The following NETO2 variants were observed in gnomAD, a reference collection of about 807,000 sequenced individuals.
The protein encoded by NETO2 is neuropilin and tolloid-like protein 2.
Under a neutral mutation model 62.5 loss-of-function variants are expected in NETO2, and 28 were observed. The ratio of observed to expected loss-of-function variants is 0.45; its 90% CI spans 0.33 to 0.61. NETO2 has a LOEUF of 0.61. NETO2 is among the 20% of genes least tolerant of loss of function. The pLI is 0.02. For missense variants in NETO2, 548 were observed against 643.2 expected (o/e 0.85, Z 1.60); for synonymous variants, 214 against 219.1 (o/e 0.98, Z 0.21).
At position 47,082,485 on chromosome 16, in the gene NETO2, T is replaced by C. The variant is rs1314959327; in HGVS notation, c.*736A>G. On this transcript the variant is annotated 3_prime_UTR_variant, in exon 9 of 9. Coordinates refer to ENST00000562435, the MANE Select transcript of NETO2 (RefSeq NM_018092.5). ...AATTTTTAGTCATAGCTGACAATGG[T>C]ACATATATCCCAGGATTATGAAATT... 3 of 152,236 alleles carry C rather than the reference T, an allele frequency of 2.0e-5. No individual in the cohort carries two copies. The highest frequency in any genetic ancestry group is 4.4e-5 in the Non-Finnish European group (3 of 68,028). 9.4% of individuals were successfully genotyped at this position (152,236 alleles called of 1,614,324 possible). A position where few individuals can be genotyped will look rare whatever the true frequency, so the allele number is the denominator to read the frequency against.
In NETO2 at chr16:47,082,717, T is replaced by C. The variant is rs1434236338; in HGVS notation, c.*504A>G. The C allele has an allele frequency of 1.3e-5, 2 of 152,864 alleles. No individual in the cohort carries two copies. Among genetic ancestry groups the C allele is most frequent in the Non-Finnish European group, 2.9e-5 (2 of 68,532 alleles). 9.5% of individuals were successfully genotyped at this position (152,864 alleles called of 1,614,324 possible). On this transcript the variant is annotated 3_prime_UTR_variant, in exon 9 of 9. Coordinates refer to ENST00000562435, the MANE Select transcript of NETO2 (RefSeq NM_018092.5). The stretch of plus-strand genomic sequence containing the variant: ...TGACACACTCAAGAACAAATGCCTA[T>C]ACTGAAGTATGTGGTACATTAACCA...
chr16:47,088,134 T>C (rs569494326), intron 7 of NETO2, among the ~76,000 whole-genome samples: 10 of 152,240 alleles, frequency 6.6e-5, no homozygotes, highest in African/African-American at 2.2e-4. Context: ...AGATGGAGTC[T>C]CGCTCTGTTG....
At chr16:47,084,135 T>A (rs1963133233) in intron 8 of NETO2, among the ~76,000 whole-genome samples, 1 of 152,220 alleles carries the variant, frequency 6.6e-6, no homozygotes, top group South Asian at 2.1e-4. Flanking sequence ...TTTAGCTTTC[T>A]GCTTTATGGT....
In NETO2 at chr16:47,109,609, C is replaced by T. The variant is rs1054466561; in HGVS notation, c.757G>A (p.Ala253Thr). The change falls in exon 7 of 9, where the codon GCC (alanine) becomes ACC (threonine). Residue 253 changes from alanine (A) to threonine (T), a missense_variant. Ala to Thr is a moderately conservative substitution (Grantham distance 58). Coordinates refer to ENST00000562435, the MANE Select transcript of NETO2 (RefSeq NM_018092.5). ...DGSSSIENLKAKFCSTVANDV... is the reference protein window; with the variant it reads ...DGSSSIENLKTKFCSTVANDV... ...TTGGCCACAGTGCTGCAAAACTTGG[C>T]CTTCAGGTTTTCAATAGAACTGCTT... 5.0e-6 allele frequency: 8 copies of T among 1,614,036 alleles called. No individual in the cohort carries two copies. Among genetic ancestry groups the T allele is most frequent in the Non-Finnish European group, 6.8e-6 (8 of 1,179,954 alleles).
intron 8 of NETO2, 35 bp from the exon 9 acceptor site, chr16:47,083,836 A>G: frequency 6.8e-7 from 1 of 1,461,962 alleles, no homozygotes; most frequent in Non-Finnish European, 9.3e-7. Context: ...TAAGTTTTCA[A>G]AATACATTAA....
chr16:47,109,674 G>T lies in NETO2; in HGVS notation c.692C>A (p.Ser231Ter). The T allele has an allele frequency of 1.9e-6, 3 of 1,613,820 alleles. No individual in the cohort carries two copies. The South Asian group carries it at 3.3e-5, about 18-fold the overall frequency. Residue 231 changes from serine to a stop codon, truncating the protein, a stop_gained, in exon 7 of 9, where the codon TCA (serine) becomes TAA (stop). Coordinates refer to ENST00000562435, the MANE Select transcript of NETO2 (RefSeq NM_018092.5). LOFTEE classifies it high-confidence loss of function. Reference protein sequence around the residue: ...LRFLDYQMEHSNECKRNFVAV... With the variant: ...LRFLDYQMEH ...AACGAAGTTTCTCTTGCATTCATTT[G>T]AGTGCTCCATTTGATAATCTAGGAA...
chr16:47,083,609 T>C lies in NETO2; in HGVS notation c.1190A>G (p.His397Arg), dbSNP rs1478461935. ...GTCCCTTAGTGAAAACAGTTCATAA[T>C]GAGGAGGATCAAACACTTCTTGGAA... The part of the protein sequence containing the change: ...TGFQEVFDPP[H>R]YELFSLRDKE... Residue 397 changes from histidine (H) to arginine (R), a missense_variant, in exon 9 of 9, where the codon CAT (histidine) becomes CGT (arginine). By Grantham distance (29) the His-to-Arg change is conservative. Coordinates refer to ENST00000562435, the MANE Select transcript of NETO2 (RefSeq NM_018092.5). 6.2e-7 allele frequency: 1 copy of C among 1,614,194 alleles called. No individual in the cohort carries two copies. The highest frequency in any genetic ancestry group is 2.2e-5 in the East Asian group (1 of 44,882).
At chr16:47,121,187 T>G (rs1284400112) in intron 6 of NETO2, among the ~76,000 whole-genome samples, 1 of 152,192 alleles carries the variant, frequency 6.6e-6, no homozygotes, top group Non-Finnish European at 1.5e-5. Flanking sequence ...GTTTCCTTCT[T>G]GTAGGATACG....
Position 47,080,368 on chromosome 16 carries a change from T to A in NETO2, c.*2853A>T, listed in dbSNP as rs956813533. 6.6e-6 allele frequency: 1 copy of A among 152,216 alleles called. No homozygotes were observed. The highest frequency in any genetic ancestry group is 6.5e-5 in the Admixed American group (1 of 15,274). The allele number at this position is 152,216 out of a possible 1,614,324, so 9.4% of individuals were successfully genotyped here. ...TTTTGTGTTCAACACTGGGACACTG[T>A]GTGGGGTACCCTGCGTGACAGTTAA... On this transcript the variant is annotated 3_prime_UTR_variant, in exon 9 of 9. Transcript: ENST00000562435.
At chr16:47,140,160 C>G (rs546219783) in intron 1 of NETO2, among the ~76,000 whole-genome samples, 2 of 152,294 alleles carry the variant, frequency 1.3e-5, no homozygotes, top group East Asian at 3.9e-4. Flanking sequence ...ATCACAGCAA[C>G]TCTGTTCTGT....
intron 7 of NETO2, among the ~76,000 whole-genome samples, chr16:47,098,835 GAAACCCTAC>G (rs1160916441): frequency 3.3e-5 from 5 of 152,272 alleles, no homozygotes; most frequent in African/African-American, 1.2e-4. Context: ...TCTCTCTGCA[GAAACCCTAC>G]AAGCCACAAG....
chr16:47,086,155 C>T, intron 8 of NETO2, 71 bp downstream of exon 8: 1 of 888,286 alleles, frequency 1.1e-6, no homozygotes, highest in Non-Finnish European at 1.9e-6. Context: ...TAGAAAATAA[C>T]ATTTTAAGTT....
At chr16:47,085,044 G>A (rs1402742893) in intron 8 of NETO2, among the ~76,000 whole-genome samples, 3 of 152,124 alleles carry the variant, frequency 2.0e-5, no homozygotes, top group Admixed American at 1.3e-4. Flanking sequence ...TGCTGTCTTA[G>A]AGGATAAAAG....
intron 7 of NETO2, among the ~76,000 whole-genome samples, 200 bp from the exon 8 acceptor site, chr16:47,086,539 C>G (rs767904958): frequency 6.6e-6 from 1 of 152,156 alleles, no homozygotes; most frequent in Non-Finnish European, 1.5e-5. Flanking sequence ...TGCTAGGCCC[C>G]AAAAGGTCAC....
intron 6 of NETO2, among the ~76,000 whole-genome samples, chr16:47,116,117 T>C (rs752122602): frequency 6.6e-6 from 1 of 151,548 alleles, no homozygotes; most frequent in Non-Finnish European, 1.5e-5. Context: ...CACCACTAAG[T>C]ATGGTGTCAG....
chr16:47,087,150 TC>T (rs1468708435), intron 7 of NETO2, among the ~76,000 whole-genome samples: 1 of 151,952 alleles, frequency 6.6e-6, no homozygotes. Context: ...TGTGTCAGCC[TC>T]CAGAGTAGCT....
chr16:47,132,669 A>G (rs1023843603), intron 1 of NETO2, among the ~76,000 whole-genome samples: 1 of 152,150 alleles, frequency 6.6e-6, no homozygotes, highest in African/African-American at 2.4e-5. Context: ...TTAAAGAAAC[A>G]TTTTCATGGA....
At position 47,131,953 on chromosome 16, in the gene NETO2, A is replaced by C. The variant is rs775810110; in HGVS notation, c.91+16T>G. Reference sequence around the variant, plus strand: ...TGTCTTAAACATGCAGTAAGTCACCAATGTAAGTACTTTACCTTGGGTTTT... The same window carrying C: ...TGTCTTAAACATGCAGTAAGTCACCCATGTAAGTACTTTACCTTGGGTTTT... On this transcript the variant is annotated intron_variant, in intron 2 of 8. Transcript: ENST00000562435. 6.2e-7 allele frequency: 1 copy of C among 1,606,232 alleles called. No homozygotes were observed. The highest frequency in any genetic ancestry group is 1.7e-5 in the Admixed American group (1 of 59,934).
chr16:47,108,772 C>T (rs1261744497), intron 7 of NETO2, among the ~76,000 whole-genome samples: 1 of 152,108 alleles, frequency 6.6e-6, no homozygotes, highest in Admixed American at 6.5e-5. Flanking sequence ...TTAATAATAT[C>T]GTATCTGTGT....
Sources: allele counts gnomAD v4.1 joint callset (sites outside exome capture counted in the v4.1 genomes callset), GRCh38; gene constraint gnomAD v4.1.1; transcripts MANE v1.5; gene names NCBI Gene and HGNC (gene_info 2026-07-23, HGNC 2026-07-21).